The following LINGO2 variants were observed in gnomAD, a reference collection of about 807,000 sequenced individuals.
The protein encoded by LINGO2 is leucine-rich repeat and immunoglobulin-like domain-containing nogo receptor-interacting protein 2.
A neutral mutation model predicts 30.6 loss-of-function variants in LINGO2; 14 were observed. The ratio of observed to expected loss-of-function variants is 0.46; its 90% CI spans 0.30 to 0.72. LINGO2 has a LOEUF of 0.72. Among genes scored for constraint, LINGO2 ranks in the 30% least tolerant of loss-of-function variants. The pLI, the probability that LINGO2 is intolerant of heterozygous loss-of-function variation, is 0.07. For synonymous variants in LINGO2, 317 were observed against 288.5 expected (o/e 1.10, Z -1.00); for missense variants, 729 against 751.7 (o/e 0.97, Z 0.35).
At chr9:28,983,864 C>T in the LINGO2 span, among the ~76,000 whole-genome samples, 1 of 151,952 alleles carries the variant, frequency 6.6e-6, no homozygotes, top group Non-Finnish European at 1.5e-5. Flanking sequence ...CTTAACAATG[C>T]TGATTAAAAA....
chr9:29,046,940 G>A, the LINGO2 span, among the ~76,000 whole-genome samples: 2 of 92,534 alleles, frequency 2.2e-5, no homozygotes, highest in African/African-American at 3.9e-5. Context: ...TTAGCCAGGC[G>A]TGGTGGCACG....
chr9:28,374,257 A>G (rs1464504477), intron 2 of LINGO2, among the ~76,000 whole-genome samples: 2 of 150,300 alleles, frequency 1.3e-5, no homozygotes, highest in Non-Finnish European at 3.0e-5. Context: ...GCATAGAAAC[A>G]AATCTAAAGG....
chr9:28,345,347 T>C (rs1819526015), intron 3 of LINGO2, among the ~76,000 whole-genome samples: 1 of 152,128 alleles, frequency 6.6e-6, no homozygotes, highest in Non-Finnish European at 1.5e-5. Context: ...GCCATGAAAA[T>C]ATTACTGAGA....
chr9:28,361,868 C>G (rs73645653), intron 3 of LINGO2, among the ~76,000 whole-genome samples: 3,401 of 152,220 alleles, frequency 0.022, 120 homozygotes, highest in African/African-American at 0.078. Context: ...GTTTCTCCAT[C>G]TTTTAAAGAT....
Position 28,268,212 on chromosome 9 carries a change from C to T in LINGO2, c.-87+26996G>A, listed in dbSNP as rs148928998. ...ATTTTCTGTAGCCATTCCTCTAATG[C>T]GCTGATGAATCTGGGTAAACTAATC... On this transcript the variant is annotated intron_variant, in intron 4 of 5. Transcript: ENST00000379992. 2.3e-3 allele frequency among the ~76,000 whole-genome samples: 345 copies of T among 152,130 alleles called. 1 individual carries two copies. The highest frequency in any genetic ancestry group is 8.0e-3 in the African/African-American group (332 of 41,528).
At chr9:28,066,518 C>A (rs769689275) in intron 4 of LINGO2, among the ~76,000 whole-genome samples, 5 of 152,170 alleles carry the variant, frequency 3.3e-5, no homozygotes, top group South Asian at 4.1e-4. Flanking sequence ...CAGGTGGAAA[C>A]CTTAGCTAGG....
intron 5 of LINGO2, among the ~76,000 whole-genome samples, chr9:27,963,018 A>T (rs1332964763): frequency 6.6e-6 from 1 of 152,150 alleles, no homozygotes; most frequent in Non-Finnish European, 1.5e-5. Flanking sequence ...AATATCAGGA[A>T]ATAGACTTAA....
intron 1 of LINGO2, among the ~76,000 whole-genome samples, chr9:28,559,565 T>G (rs1417693701): frequency 6.6e-6 from 1 of 152,118 alleles, no homozygotes; most frequent in Non-Finnish European, 1.5e-5. Context: ...TATATGACTG[T>G]GTAATAATGG....
chr9:29,042,862 C>A, the LINGO2 span, among the ~76,000 whole-genome samples: 1 of 151,750 alleles, frequency 6.6e-6, no homozygotes, highest in African/African-American at 2.4e-5. Context: ...ATTACTATAA[C>A]CAGTTAAATG....
chr9:28,292,861 C>T (rs372115209), intron 4 of LINGO2, among the ~76,000 whole-genome samples: 52 of 152,094 alleles, frequency 3.4e-4, no homozygotes, highest in African/African-American at 9.6e-4. Context: ...AGCTCTGCCT[C>T]CCGGGTTCAT....
chr9:28,061,565 T>A (rs1825145382), intron 4 of LINGO2, among the ~76,000 whole-genome samples: 1 of 151,824 alleles, frequency 6.6e-6, no homozygotes, highest in South Asian at 2.1e-4. Context: ...TCCATAAAAA[T>A]AAAAAAAGTA....
At chr9:29,114,580 G>A in the LINGO2 span, among the ~76,000 whole-genome samples, 1 of 126,608 alleles carries the variant, frequency 7.9e-6, no homozygotes, top group Non-Finnish European at 1.6e-5. Flanking sequence ...AGGCCCTGGT[G>A]TGTGATGTTC....
In LINGO2 at chr9:28,393,073, G is replaced by A. The variant is rs16912812; in HGVS notation, c.-278-20205C>T. On this transcript the variant is annotated intron_variant, in intron 2 of 5. Transcript: ENST00000379992. Reference sequence around the variant, plus strand: ...AAAAGTCTCTTAGAGTGATGAAAACGTTGTGTGAAATCACACAGCCAGCAA... The same window carrying A: ...AAAAGTCTCTTAGAGTGATGAAAACATTGTGTGAAATCACACAGCCAGCAA... Among the ~76,000 whole-genome samples, 1,505 of 152,238 alleles carry A rather than the reference G, an allele frequency of 9.9e-3. 28 individuals are homozygous for A. Among genetic ancestry groups the A allele is most frequent in the African/African-American group, 0.034 (1,417 of 41,532 alleles).
At chr9:28,927,034 T>C in the LINGO2 span, among the ~76,000 whole-genome samples, 1 of 152,220 alleles carries the variant, frequency 6.6e-6, no homozygotes. Flanking sequence ...TCCCAAATTA[T>C]TGATTTATAT....
chr9:28,351,643 C>A (rs868682855), intron 3 of LINGO2, among the ~76,000 whole-genome samples: 2,456 of 146,766 alleles, frequency 0.017, 76 homozygotes, highest in African/African-American at 0.059. Context: ...CTCCCTAACT[C>A]ATTTTATGAG....
Position 28,014,860 on chromosome 9 carries a change from A to T in LINGO2, c.-86-2455T>A, listed in dbSNP as rs1372126629. On this transcript the variant is annotated intron_variant, in intron 4 of 5. Coordinates refer to ENST00000379992, the Ensembl canonical transcript of LINGO2. ...GTGACTACTACCTCATGCAAATTCA[A>T]TATTTTTAATAATTTAGAAAACTCT... is the stretch of plus-strand genomic sequence containing the variant. Among the ~76,000 whole-genome samples the T allele has an allele frequency of 3.3e-5, 5 of 152,294 alleles. No individual in the cohort carries two copies. In the East Asian group the frequency reaches 9.6e-4, roughly 29 times the overall value.
intron 1 of LINGO2, among the ~76,000 whole-genome samples, chr9:28,569,785 G>A (rs1349415922): frequency 1.3e-5 from 2 of 151,848 alleles, no homozygotes; most frequent in Non-Finnish European, 2.9e-5. Flanking sequence ...ACTATCTGAA[G>A]TATTCTCACC....
At chr9:28,950,202 T>G in the LINGO2 span, among the ~76,000 whole-genome samples, 1 of 152,326 alleles carries the variant, frequency 6.6e-6, no homozygotes, top group Non-Finnish European at 1.5e-5. Flanking sequence ...CACCGCTTCA[T>G]GCTAAGAACG....
chr9:28,111,992 C>G (rs1025659121), intron 4 of LINGO2, among the ~76,000 whole-genome samples: 1 of 141,764 alleles, frequency 7.1e-6, no homozygotes, highest in Admixed American at 7.1e-5. Context: ...ATGTGCCATG[C>G]TGGTGCGCTG....
Sources: allele counts gnomAD v4.1 joint callset (sites outside exome capture counted in the v4.1 genomes callset), GRCh38; gene constraint gnomAD v4.1.1; transcripts MANE v1.5; gene names NCBI Gene and HGNC (gene_info 2026-07-23, HGNC 2026-07-21).